SLC28A1: variants seen among roughly 807,000 people sequenced by gnomAD.
SLC28A1 encodes the protein sodium/nucleoside cotransporter 1.
SLC28A1 carries 64 observed loss-of-function variants against 74.8 expected under a neutral mutation model. That is an observed-to-expected ratio of 0.86 (90% confidence interval 0.70 to 1.05). The LOEUF (loss-of-function observed/expected upper bound fraction) is 1.05. SLC28A1 is among the 50% of genes least tolerant of loss of function. SLC28A1 has a pLI of 0.00. For missense variants in SLC28A1, 828 were observed against 822.8 expected, an observed-to-expected ratio of 1.01 and a Z score of -0.08; for synonymous variants, 359 against 335.0, an observed-to-expected ratio of 1.07 and a Z score of -0.78.
At chr15:84,934,295 T>C (rs1971637060) in intron 13 of SLC28A1, among the ~76,000 whole-genome samples, 1 of 152,178 alleles carries the variant, frequency 6.6e-6, no homozygotes, top group South Asian at 2.1e-4. Context: ...TGTGGCCTGG[T>C]GTGTGTACAT....
downstream of SLC28A1, among the ~76,000 whole-genome samples, chr15:84,946,080 A>G (rs373971827): frequency 0.32 from 14,229 of 45,022 alleles, 2,677 homozygotes; most frequent in Middle Eastern, 0.47. Context: ...ATGTGTGTGT[A>G]TGTTCATATA....
chr15:84,957,223 C>A, the SLC28A1 span, among the ~76,000 whole-genome samples: 11 of 152,074 alleles, frequency 7.2e-5, no homozygotes, highest in African/African-American at 2.7e-4. Flanking sequence ...AGAAGTCATT[C>A]CCCAACTCCA....
At position 84,884,729 on chromosome 15, in the gene SLC28A1, T is replaced by C; in HGVS notation, c.-155T>C. On this transcript the variant is annotated 5_prime_UTR_variant, in exon 1 of 19. Coordinates refer to ENST00000394573, the MANE Select transcript of SLC28A1 (RefSeq NM_004213.5). ...GGATGTGTTGTGTTCCTGGCTTCCC[T>C]CTGGATGCTGACAGAAACAAGGGTG... The C allele has an allele frequency of 1.0e-6, 1 of 985,630 alleles. No homozygotes were observed. The highest frequency in any genetic ancestry group is 1.2e-6 in the Non-Finnish European group (1 of 830,112). 61.1% of individuals were successfully genotyped at this position (985,630 alleles called of 1,614,324 possible). A position where few individuals can be genotyped will look rare whatever the true frequency, so the allele number is the denominator to read the frequency against.
chr15:84,895,729 G>A, intron 6 of SLC28A1: 1 of 1,289,568 alleles, frequency 7.8e-7, no homozygotes, highest in Non-Finnish European at 9.8e-7. Flanking sequence ...TATAAGCCAA[G>A]GTTCACACAA....
At chr15:84,898,301 G>A (rs1159286595) in intron 6 of SLC28A1, among the ~76,000 whole-genome samples, 5 of 152,082 alleles carry the variant, frequency 3.3e-5, no homozygotes, top group Admixed American at 6.6e-5. Context: ...GCATTTGGTC[G>A]GGTGCGGTGG....
At chr15:84,906,093 T>C (rs2004742) in intron 8 of SLC28A1, among the ~76,000 whole-genome samples, 87,874 of 149,978 alleles carry the variant, frequency 0.59, 25,919 homozygotes, top group South Asian at 0.69. Flanking sequence ...AATCTTGGCT[T>C]GCTGCAACCT....
intron 5 of SLC28A1, 149 bp downstream of exon 5, chr15:84,890,683 C>A: frequency 1.4e-6 from 1 of 713,386 alleles, no homozygotes; most frequent in Non-Finnish European, 2.5e-6. Flanking sequence ...GGTACTGAGG[C>A]ATCTGTTAAG....
chr15:84,894,372 C>CAAA (rs11408601), intron 5 of SLC28A1, among the ~76,000 whole-genome samples: 3,331 of 134,254 alleles, frequency 0.025, 165 homozygotes, highest in African/African-American at 0.083. Context: ...ACCCTATCTC[C>CAAA]AAAAAAAAAA....
chr15:84,954,613 C>T, the SLC28A1 span, among the ~76,000 whole-genome samples: 27 of 152,274 alleles, frequency 1.8e-4, no homozygotes, highest in African/African-American at 6.5e-4. Flanking sequence ...GTGGTTTGCT[C>T]AAGGGCACAC....
chr15:84,968,106 G>C, the SLC28A1 span, among the ~76,000 whole-genome samples: 1 of 152,168 alleles, frequency 6.6e-6, no homozygotes, highest in East Asian at 1.9e-4. Flanking sequence ...CAGGTAAGCA[G>C]GGCTGGGCTA....
At chr15:84,959,424 T>C in the SLC28A1 span, among the ~76,000 whole-genome samples, 1 of 152,092 alleles carries the variant, frequency 6.6e-6, no homozygotes, top group Admixed American at 6.5e-5. Flanking sequence ...TTATATCCTT[T>C]CTTTGTTAAT....
At chr15:84,893,120 C>T (rs1420562626) in intron 5 of SLC28A1, among the ~76,000 whole-genome samples, 2 of 151,908 alleles carry the variant, frequency 1.3e-5, no homozygotes, top group South Asian at 2.1e-4. Context: ...GGCCCTGAGG[C>T]GCACAGACCT....
In SLC28A1 at chr15:84,945,126, G is replaced by T. The variant is rs529135098; in HGVS notation, c.1876G>T (p.Val626Phe). Residue 626 changes from valine to phenylalanine, a missense_variant and splice_region_variant, in exon 19 of 19, where the codon GTC becomes TTC. Val to Phe is a conservative substitution (Grantham distance 50). Coordinates refer to ENST00000394573, the MANE Select transcript of SLC28A1 (RefSeq NM_004213.5). ...CTGCGATCTTTGCTTTCTTTTTAGC[G>T]TCAATCCAGAGTTCAGCCCAGAGGC... ...YQCCREAFQS[V>F]NPEFSPEALD... 6.4e-5 allele frequency: 104 copies of T among 1,613,874 alleles called. No homozygotes were observed. Among genetic ancestry groups the T allele is most frequent in the Middle Eastern group, 1.6e-4 (1 of 6,084 alleles).
chr15:84,917,954 A>G (rs777574600), intron 9 of SLC28A1, among the ~76,000 whole-genome samples: 7 of 152,046 alleles, frequency 4.6e-5, no homozygotes, highest in Non-Finnish European at 1.0e-4. Flanking sequence ...GCCTGGTACT[A>G]ATAATAGGAA....
intron 5 of SLC28A1, among the ~76,000 whole-genome samples, 182 bp downstream of exon 5, chr15:84,890,716 G>A (rs1232874457): frequency 6.6e-6 from 1 of 152,210 alleles, no homozygotes; most frequent in Non-Finnish European, 1.5e-5. Flanking sequence ...TTGTTCCCAA[G>A]GCACTCCCTC....
chr15:84,928,588 T>TC (rs1567172414), intron 12 of SLC28A1, among the ~76,000 whole-genome samples: 20 of 18,544 alleles, frequency 1.1e-3, no homozygotes, highest in East Asian at 2.8e-3. Context: ...CTTTCTTTCT[T>TC]TCTTTCTTTC....
At chr15:84,918,195 T>C (rs1407538309) in intron 9 of SLC28A1, among the ~76,000 whole-genome samples, 2 of 152,052 alleles carry the variant, frequency 1.3e-5, no homozygotes, top group Admixed American at 1.3e-4. Flanking sequence ...ACTCCCCTTT[T>C]AGAGACAAAG....
In SLC28A1 at chr15:84,887,857, G is replaced by T. The variant is rs565949855; in HGVS notation, c.96+1G>T. 1.2e-6 allele frequency: 2 copies of T among 1,606,876 alleles called. No individual in the cohort carries two copies. The highest frequency in any genetic ancestry group is 1.7e-5 in the Admixed American group (1 of 60,016). ...GGGGGCTGATTTCTTGGAAAGCCTGGTCTGTACCCTTCCCCATCAGTCATC... is the reference window on the plus strand; with the variant it reads ...GGGGGCTGATTTCTTGGAAAGCCTGTTCTGTACCCTTCCCCATCAGTCATC... On this transcript the variant is annotated splice_donor_variant, in intron 3 of 18. Coordinates refer to ENST00000394573, the MANE Select transcript of SLC28A1 (RefSeq NM_004213.5). LOFTEE classifies it high-confidence loss of function.
At chr15:84,912,071 T>C (rs1968338041) in intron 9 of SLC28A1, among the ~76,000 whole-genome samples, 1 of 152,182 alleles carries the variant, frequency 6.6e-6, no homozygotes, top group African/African-American at 2.4e-5. Context: ...GTGTATTGGC[T>C]GATGCACCAT....
Sources: allele counts gnomAD v4.1 joint callset (sites outside exome capture counted in the v4.1 genomes callset), GRCh38; gene constraint gnomAD v4.1.1; transcripts MANE v1.5; gene names NCBI Gene and HGNC (gene_info 2026-07-23, HGNC 2026-07-21).